MEF2D: variants seen among roughly 807,000 people sequenced by gnomAD.
MEF2D encodes myocyte-specific enhancer factor 2D.
Under a neutral mutation model 59.3 loss-of-function variants are expected in MEF2D, and 10 were observed. The observed-to-expected ratio is 0.17, with a 90% CI of 0.10 to 0.29. The LOEUF (loss-of-function observed/expected upper bound fraction) is 0.29, where lower values mean the gene tolerates loss of function less well. Among genes scored for constraint, MEF2D ranks in the 10% least tolerant of loss-of-function variants. The pLI, the probability that MEF2D is intolerant of heterozygous loss-of-function variation, is 1.00. For synonymous variants in MEF2D, 305 were observed against 295.0 expected, an observed-to-expected ratio of 1.03 and a Z score of -0.35; for missense variants, 508 against 699.4, an observed-to-expected ratio of 0.73 and a Z score of 3.09.
rs927603044 is a variant in MEF2D, at chr1:156,466,197, C to T, written c.*1448G>A. On this transcript the variant is annotated 3_prime_UTR_variant, in exon 12 of 12. Transcript: ENST00000348159. The stretch of plus-strand genomic sequence containing the variant: ...GAGGAGGGGAGGGGAGCAAGAACAA[C>T]AGCAGAAGAATCTCGTCTGTACAGT... 1 of 152,414 alleles carries T rather than the reference C, an allele frequency of 6.6e-6. No homozygotes were observed. The highest frequency in any genetic ancestry group is 2.4e-5 in the African/African-American group (1 of 41,414). 9.4% of individuals were successfully genotyped at this position (152,414 alleles called of 1,614,324 possible). A position where few individuals can be genotyped will look rare whatever the true frequency, so the allele number is the denominator to read the frequency against.
intron 4 of MEF2D, 78 bp downstream of exon 4, chr1:156,480,756 C>T (rs1348469937): frequency 6.2e-7 from 1 of 1,610,166 alleles, no homozygotes; most frequent in Non-Finnish European, 8.5e-7. Context: ...CTCTCACATT[C>T]CCTGTGCTTC....
intron 1 of MEF2D, among the ~76,000 whole-genome samples, chr1:156,488,035 A>G (rs572960496): frequency 3.9e-4 from 59 of 152,328 alleles, no homozygotes; most frequent in Non-Finnish European, 6.5e-4. Flanking sequence ...TCAGGCCACA[A>G]CTATGACTCC....
intron 1 of MEF2D, among the ~76,000 whole-genome samples, 164 bp from the exon 2 acceptor site, chr1:156,483,594 C>T (rs1414254002): frequency 6.6e-6 from 1 of 152,230 alleles, no homozygotes; most frequent in South Asian, 2.1e-4. Flanking sequence ...TGGTATGCCA[C>T]AGCCAGGCAC....
At chr1:156,479,471 C>CA (rs1671839494) in intron 5 of MEF2D, 115 bp downstream of exon 5, 2 of 1,489,030 alleles carry the variant, frequency 1.3e-6, no homozygotes, top group Non-Finnish European at 1.8e-6. Context: ...AGGAGCCATA[C>CA]AAATGGCGGA....
At chr1:156,487,598 G>T (rs1300958055) in intron 1 of MEF2D, among the ~76,000 whole-genome samples, 4 of 152,222 alleles carry the variant, frequency 2.6e-5, no homozygotes, top group African/African-American at 9.6e-5. Context: ...GGGGTAGCTG[G>T]GGCCTAGGCA....
Position 156,489,626 on chromosome 1 carries a change from G to A in MEF2D, c.-138-6196C>T, listed in dbSNP as rs537982725. On this transcript the variant is annotated intron_variant, in intron 1 of 11. Coordinates refer to ENST00000348159, the MANE Select transcript of MEF2D (RefSeq NM_005920.4). ...AGGACTGACTCCTGGCCCAGCGCTG[G>A]GGGAATAACTCAACAGGACACCATC... Among the ~76,000 whole-genome samples, 6 of 152,126 alleles carry A rather than the reference G, an allele frequency of 3.9e-5. No homozygotes were observed. The East Asian group carries it at 1.2e-3, about 29-fold the overall frequency.
At chr1:156,484,981 G>C (rs1361752347) in intron 1 of MEF2D, among the ~76,000 whole-genome samples, 3 of 152,152 alleles carry the variant, frequency 2.0e-5, no homozygotes, top group Admixed American at 1.3e-4. Context: ...TGTTGGAAGA[G>C]GATAGTGAAC....
intron 1 of MEF2D, chr1:156,490,732 C>G (rs1279727212): frequency 1.3e-5 from 2 of 152,348 alleles, no homozygotes; most frequent in Non-Finnish European, 2.9e-5. Flanking sequence ...CTGGACAACT[C>G]TCCCGAGCCC....
At chr1:156,475,068 A>G (rs1449873693) in intron 9 of MEF2D, 40 bp downstream of exon 9, 1 of 1,613,292 alleles carries the variant, frequency 6.2e-7, no homozygotes. Context: ...GCCTGCCCCA[A>G]GCCCAAGTGC....
At chr1:156,483,821 G>A (rs1028783711) in intron 1 of MEF2D, among the ~76,000 whole-genome samples, 7 of 152,198 alleles carry the variant, frequency 4.6e-5, no homozygotes, top group African/African-American at 1.7e-4. Flanking sequence ...TCTGAAGCTT[G>A]GAGAAGAGAC....
At chr1:156,488,477 AC>A (rs1672520301) in intron 1 of MEF2D, among the ~76,000 whole-genome samples, 1 of 152,138 alleles carries the variant, frequency 6.6e-6, no homozygotes, top group African/African-American at 2.4e-5. Flanking sequence ...AACACCCTTG[AC>A]AAAGAGAGCT....
intron 1 of MEF2D, among the ~76,000 whole-genome samples, chr1:156,499,879 A>T (rs1673377608): frequency 6.6e-6 from 1 of 151,600 alleles, no homozygotes; most frequent in East Asian, 1.9e-4. Context: ...CCCGGCAAAC[A>T]CGGGCCCCGG....
chr1:156,464,762 A>G lies in MEF2D; in HGVS notation c.*2883T>C, dbSNP rs1211895643. On this transcript the variant is annotated 3_prime_UTR_variant, in exon 12 of 12. Transcript: ENST00000348159. The stretch of plus-strand genomic sequence containing the variant: ...GACAGAGAAGAAAGGACACTGAAAC[A>G]TCCACACATGGTAATCAAAAGCCAG... 2 of 152,222 alleles carry G rather than the reference A, an allele frequency of 1.3e-5. No homozygotes were observed. The highest frequency in any genetic ancestry group is 2.9e-5 in the Non-Finnish European group (2 of 68,074). 9.4% of individuals were successfully genotyped at this position (152,222 alleles called of 1,614,324 possible).
In MEF2D at chr1:156,475,214, G is replaced by A. The variant is rs149459494; in HGVS notation, c.900C>T (p.Val300=). The A allele has an allele frequency of 5.7e-4, 926 of 1,613,316 alleles. 9 individuals are homozygous for A. In the African/African-American group the frequency reaches 0.01, roughly 18 times the overall value. The part of the protein sequence containing the change: ...LDLNNAQRLG[V]SQSTHSLTTP... Reference sequence around the variant, plus strand: ...TGGTGAGCGAATGAGTAGACTGGGAGACCCCAAGGCGCTGGGCATTGTTCT... The same window carrying A: ...TGGTGAGCGAATGAGTAGACTGGGAAACCCCAAGGCGCTGGGCATTGTTCT... The change falls in exon 9 of 12, where the codon GTC becomes GTT. Residue 300 remains valine (V), a synonymous_variant. Transcript: ENST00000348159.
Position 156,476,994 on chromosome 1 carries a change from G to A in MEF2D, c.855+18C>T. On this transcript the variant is annotated intron_variant, in intron 7 of 11. Coordinates refer to ENST00000348159, the MANE Select transcript of MEF2D (RefSeq NM_005920.4). ...TTCCATTCCCCAGCCCCCACCCTTG[G>A]CCCAGACACCCACTTACCAAGTGAT... 1.2e-6 allele frequency: 2 copies of A among 1,613,280 alleles called. No homozygotes were observed. The highest frequency in any genetic ancestry group is 1.7e-6 in the Non-Finnish European group (2 of 1,179,752).
intron 9 of MEF2D, among the ~76,000 whole-genome samples, chr1:156,471,920 A>T (rs1671257117): frequency 1.3e-5 from 2 of 152,328 alleles, no homozygotes; most frequent in African/African-American, 4.8e-5. Flanking sequence ...GAAATCTCAC[A>T]CACTTCCCAG....
intron 1 of MEF2D, among the ~76,000 whole-genome samples, chr1:156,498,965 C>T (rs976463995): frequency 4.6e-5 from 7 of 152,162 alleles, no homozygotes; most frequent in South Asian, 2.1e-4. Context: ...AGTCCTGGGG[C>T]GGGTGTGACC....
Position 156,467,999 on chromosome 1 carries a change from A to C in MEF2D, c.1548T>G (p.Asp516Glu). The C allele has an allele frequency of 6.2e-7, 1 of 1,611,664 alleles. No homozygotes were observed. Among genetic ancestry groups the C allele is most frequent in the Non-Finnish European group, 8.5e-7 (1 of 1,179,286 alleles). ...EGSAVKRMRLDTWTLK is the reference protein window; with the variant it reads ...EGSAVKRMRLETWTLK ...AGAGGTGATGCTACAGTACCCAGGT[A>C]TCAAGCCGCATCCTCTTCACAGCTG... is the stretch of plus-strand genomic sequence containing the variant. Residue 516 changes from aspartate (D) to glutamate (E), a missense_variant, in exon 11 of 12, where the codon GAT becomes GAG. This residue lies in a region of MEF2D where 481 missense variants were observed against 584.7 expected (regional missense o/e 0.82). Transcript: ENST00000348159.
At chr1:156,492,935 G>A (rs1471333217) in intron 1 of MEF2D, among the ~76,000 whole-genome samples, 1 of 152,220 alleles carries the variant, frequency 6.6e-6, no homozygotes, top group Non-Finnish European at 1.5e-5. Flanking sequence ...ATGGAAATAA[G>A]TGCATGGGGT....
Sources: allele counts gnomAD v4.1 joint callset (sites outside exome capture counted in the v4.1 genomes callset), GRCh38; gene constraint gnomAD v4.1.1; regional missense constraint gnomAD v4.1.1; transcripts MANE v1.5; gene names NCBI Gene and HGNC (gene_info 2026-07-23, HGNC 2026-07-21).